UGT1A7: variants seen among roughly 807,000 people sequenced by gnomAD.
UGT1A7 encodes the protein UDP-glucuronosyltransferase 1A7.
UGT1A7 carries 33 observed loss-of-function variants against 45.6 expected under a neutral mutation model. The ratio of observed to expected loss-of-function variants is 0.72; its 90% CI spans 0.55 to 0.97. UGT1A7 has a LOEUF of 0.97. Ranked by LOEUF, UGT1A7 falls within the 50% of genes least tolerant of loss-of-function variation. UGT1A7 has a pLI of 0.00. For missense variants in UGT1A7, 684 were observed against 666.2 expected (o/e 1.03, Z -0.29); for synonymous variants, 274 against 250.6 (o/e 1.09, Z -0.88).
At chr2:233,711,745 G>A (rs991588620) in intron 1 of UGT1A7, among the ~76,000 whole-genome samples, 1 of 152,212 alleles carries the variant, frequency 6.6e-6, no homozygotes, top group Non-Finnish European at 1.5e-5. Flanking sequence ...GACACGGCCA[G>A]GCATGTAGAC....
chr2:233,688,290 A>AT (rs1275876598), intron 1 of UGT1A7, among the ~76,000 whole-genome samples: 41 of 152,054 alleles, frequency 2.7e-4, no homozygotes, highest in South Asian at 4.2e-4. Flanking sequence ...GATTTACCGC[A>AT]TTTTTTTTAT....
At chr2:233,692,675 G>A (rs932907325) in intron 1 of UGT1A7, among the ~76,000 whole-genome samples, 1 of 152,174 alleles carries the variant, frequency 6.6e-6, no homozygotes, top group African/African-American at 2.4e-5. Context: ...TAGAGAATTG[G>A]CAGGGGGTCC....
At chr2:233,730,291 G>A (rs962328046) in intron 1 of UGT1A7, among the ~76,000 whole-genome samples, 1 of 152,200 alleles carries the variant, frequency 6.6e-6, no homozygotes, top group Non-Finnish European at 1.5e-5. Flanking sequence ...CTTCATGGTT[G>A]TGCATGTCCT....
chr2:233,719,356 A>C, intron 1 of UGT1A7: 1 of 1,613,848 alleles, frequency 6.2e-7, no homozygotes, highest in Non-Finnish European at 8.5e-7. Context: ...ATTCCATGTG[A>C]CTTAGACTTT....
intron 1 of UGT1A7, among the ~76,000 whole-genome samples, chr2:233,687,089 T>C (rs1384683958): frequency 1.3e-5 from 2 of 152,226 alleles, no homozygotes; most frequent in African/African-American, 4.8e-5. Flanking sequence ...GTACTTCAGC[T>C]GTGACACTTG....
chr2:233,682,258 T>C lies in UGT1A7; in HGVS notation c.321T>C (p.Ser107=). 1 of 1,614,214 alleles carries C rather than the reference T, an allele frequency of 6.2e-7. No homozygotes were observed. Among genetic ancestry groups the C allele is most frequent in the South Asian group, 1.1e-5 (1 of 91,086 alleles). ...CGGCACCATTGCGAAGTGCATTTTC[T>C]CTATTAACAAGTTCATCCAATGGTA... ...RWTAPLRSAF[S]LLTSSSNGIF... Residue 107 remains serine (S), a synonymous_variant, in exon 1 of 5, where the codon TCT becomes TCC. Coordinates refer to ENST00000373426, the MANE Select transcript of UGT1A7 (RefSeq NM_019077.3).
intron 1 of UGT1A7, among the ~76,000 whole-genome samples, chr2:233,685,897 C>T (rs1559341876): frequency 1.3e-5 from 2 of 152,180 alleles, no homozygotes; most frequent in South Asian, 4.2e-4. Context: ...AATATTATCT[C>T]ATTTTCAATC....
At chr2:233,756,948 G>A (rs530775201) in intron 1 of UGT1A7, among the ~76,000 whole-genome samples, 1 of 152,072 alleles carries the variant, frequency 6.6e-6, no homozygotes, top group African/African-American at 2.4e-5. Flanking sequence ...CCTGAAACCC[G>A]GACTTGGCAC....
intron 1 of UGT1A7, among the ~76,000 whole-genome samples, chr2:233,694,048 C>A (rs1474075608): frequency 6.6e-6 from 1 of 152,122 alleles, no homozygotes; most frequent in Admixed American, 6.5e-5. Flanking sequence ...GATACAGAGG[C>A]ATTCGGATGA....
rs576733843 is a variant in UGT1A7 at position 233,754,931 on chromosome 2, G to A, written c.856-12103G>A. ...TATTCTCCAGCGGGTTTCCCAAGAG[G>A]TCAAAGGAGAATGGGTCCCGGCCGC... On this transcript the variant is annotated intron_variant, in intron 1 of 4. Transcript: ENST00000373426. 20 of 1,344,540 alleles carry A rather than the reference G, an allele frequency of 1.5e-5. No homozygotes were observed. The African/African-American group carries it at 2.2e-4, about 15-fold the overall frequency. The allele number at this position is 1,344,540 out of a possible 1,614,324, so 83.3% of individuals were successfully genotyped here. A position where few individuals can be genotyped will look rare whatever the true frequency, so the allele number is the denominator to read the frequency against.
intron 1 of UGT1A7, 123 bp downstream of exon 1, chr2:233,682,915 A>T: frequency 6.7e-7 from 1 of 1,486,510 alleles, no homozygotes. Context: ...GGTTTAAGGA[A>T]TTCTTTTGTA....
chr2:233,743,342 T>C, intron 1 of UGT1A7: 7 of 858,096 alleles, frequency 8.2e-6, no homozygotes, highest in Non-Finnish European at 1.0e-5. Context: ...TCAGTGGAAG[T>C]CGACATGGAC....
In UGT1A7 at chr2:233,719,204, T is replaced by C. The variant is rs147848546; in HGVS notation, c.855+36412T>C. 63 of 1,614,240 alleles carry C rather than the reference T, an allele frequency of 3.9e-5. No homozygotes were observed. The African/African-American group carries it at 7.3e-4, about 19-fold the overall frequency. ...TATCTTTGGCCCTTCATAGGTGTTG[T>C]GTGGAGCTACTGCATAATGAGGCCC... is the stretch of plus-strand genomic sequence containing the variant. On this transcript the variant is annotated intron_variant, in intron 1 of 4. Transcript: ENST00000373426.
chr2:233,749,622 C>A (rs1694233341), intron 1 of UGT1A7, among the ~76,000 whole-genome samples: 1 of 151,854 alleles, frequency 6.6e-6, no homozygotes, highest in Admixed American at 6.5e-5. Context: ...TGATTTGGCT[C>A]TGTATCCCCC....
chr2:233,719,190 C>T (rs772886660), intron 1 of UGT1A7: 2 of 1,614,200 alleles, frequency 1.2e-6, no homozygotes, highest in Non-Finnish European at 1.7e-6. Flanking sequence ...ATCTTTGGCC[C>T]TTCATAGGTG....
intron 1 of UGT1A7, among the ~76,000 whole-genome samples, chr2:233,740,100 A>G (rs17862874): frequency 0.037 from 5,662 of 151,960 alleles, 157 homozygotes; most frequent in Non-Finnish European, 0.057. Context: ...CATGTGAGAC[A>G]TGCCTTTGCT....
At chr2:233,747,492 C>G (rs1313970709) in intron 1 of UGT1A7, 21 of 1,608,406 alleles carry the variant, frequency 1.3e-5, no homozygotes, top group Non-Finnish European at 1.7e-5. Context: ...TCGCCTTGTG[C>G]TGGGCCACAC....
intron 1 of UGT1A7, among the ~76,000 whole-genome samples, chr2:233,704,779 T>C (rs1239416557): frequency 1.3e-5 from 2 of 152,188 alleles, no homozygotes; most frequent in African/African-American, 4.8e-5. Context: ...CCATATGTTA[T>C]AGTCCCAACA....
At chr2:233,764,944 G>A (rs994254200) in intron 1 of UGT1A7, among the ~76,000 whole-genome samples, 1 of 152,160 alleles carries the variant, frequency 6.6e-6, no homozygotes, top group South Asian at 2.1e-4. Flanking sequence ...AGAGTGGCGG[G>A]GAGAGAGGGC....
Sources: allele counts gnomAD v4.1 joint callset (sites outside exome capture counted in the v4.1 genomes callset), GRCh38; gene constraint gnomAD v4.1.1; transcripts MANE v1.5; gene names NCBI Gene and HGNC (gene_info 2026-07-23, HGNC 2026-07-21).